Variants in CDKL3 observed in about 807,000 individuals in gnomAD.
The protein encoded by CDKL3 is cyclin dependent kinase like 3, also known as cyclin-dependent kinase-like 3.
A neutral mutation model predicts 69.3 loss-of-function variants in CDKL3; 65 were observed. The ratio of observed to expected loss-of-function variants is 0.94; its 90% CI spans 0.77 to 1.15. The LOEUF (loss-of-function observed/expected upper bound fraction) is 1.15. Ranked by LOEUF, CDKL3 falls within the 50% of genes most tolerant of loss-of-function variation. The pLI, the probability that CDKL3 is intolerant of heterozygous loss-of-function variation, is 0.00. For missense variants in CDKL3, 652 were observed against 689.2 expected, an observed-to-expected ratio of 0.95 and a Z score of 0.61; for synonymous variants, 202 against 221.6, an observed-to-expected ratio of 0.91 and a Z score of 0.79.
chr5:134,299,732 T>C, intron 12 of CDKL3: 1 of 1,533,990 alleles, frequency 6.5e-7, no homozygotes, highest in South Asian at 1.2e-5. Flanking sequence ...TTCCTTTCAG[T>C]TTGTGCATTT....
intron 2 of CDKL3, among the ~76,000 whole-genome samples, chr5:134,362,262 A>T (rs1296914770): frequency 6.6e-6 from 1 of 152,222 alleles, no homozygotes; most frequent in African/African-American, 2.4e-5. Flanking sequence ...GCTCACTTCT[A>T]TAATCCCAGC....
upstream of CDKL3, among the ~76,000 whole-genome samples, chr5:134,369,889 A>G (rs1217657163): frequency 6.6e-6 from 1 of 152,146 alleles, no homozygotes; most frequent in Non-Finnish European, 1.5e-5. Flanking sequence ...ATTTTTCTCC[A>G]TGTAACCCTA....
chr5:134,328,588 G>A (rs1196846941), intron 4 of CDKL3, among the ~76,000 whole-genome samples: 1 of 151,962 alleles, frequency 6.6e-6, no homozygotes, highest in Admixed American at 6.6e-5. Context: ...AAAATGAGTG[G>A]GGAGAATAGA....
intron 3 of CDKL3, 107 bp downstream of exon 3, chr5:134,359,790 T>C (rs1013911867): frequency 3.4e-5 from 27 of 788,760 alleles, no homozygotes; most frequent in African/African-American, 3.4e-4. Flanking sequence ...TCTATTATTA[T>C]TGTATAGAAA....
chr5:134,345,780 T>C (rs1048841278), intron 4 of CDKL3, among the ~76,000 whole-genome samples: 3 of 152,210 alleles, frequency 2.0e-5, no homozygotes, highest in Admixed American at 1.3e-4. Flanking sequence ...TTTGTGATTC[T>C]TCAATTACTT....
downstream of CDKL3, among the ~76,000 whole-genome samples, chr5:134,296,813 A>ACACACACACG (rs1554074948): frequency 6.6e-6 from 1 of 151,328 alleles, no homozygotes; most frequent in Non-Finnish European, 1.5e-5. Context: ...ACACACACAC[A>ACACACACACG]CACGCACGCA....
chr5:134,305,645 G>C (rs901087613), intron 10 of CDKL3, among the ~76,000 whole-genome samples: 23 of 152,138 alleles, frequency 1.5e-4, no homozygotes, highest in African/African-American at 5.6e-4. Flanking sequence ...ATCTTGTCTA[G>C]ATCAATGAAC....
Position 134,359,878 on chromosome 5 carries a change from C to T in CDKL3, c.360+19G>A. 1 of 1,521,716 alleles carries T rather than the reference C, an allele frequency of 6.6e-7. No individual in the cohort carries two copies. The allele number at this position is 1,521,716 out of a possible 1,614,324, so 94.3% of individuals were successfully genotyped here. A position where few individuals can be genotyped will look rare whatever the true frequency, so the allele number is the denominator to read the frequency against. On this transcript the variant is annotated intron_variant, in intron 3 of 12. Coordinates refer to ENST00000265334, the MANE Select transcript of CDKL3 (RefSeq NM_001113575.2). ...GATTCATATTCATCCTACAAATTGG[C>T]TTATTCTGAAGCACTTACATTATTA...
intron 7 of CDKL3, among the ~76,000 whole-genome samples, chr5:134,311,309 G>C (rs1769427935): frequency 1.3e-5 from 2 of 152,186 alleles, no homozygotes; most frequent in South Asian, 4.1e-4. Context: ...TTTGAGACCA[G>C]CCTGGCCAAA....
intron 12 of CDKL3, chr5:134,302,067 G>C (rs1766491915): frequency 8.9e-6 from 4 of 450,070 alleles, no homozygotes; most frequent in South Asian, 4.7e-5. Context: ...GATATTACAG[G>C]CTTCAAGATT....
chr5:134,367,091 A>G lies in CDKL3; in HGVS notation c.-136T>C, dbSNP rs923126205. The G allele has an allele frequency of 3.0e-6, 3 of 986,216 alleles. No individual in the cohort carries two copies. The highest frequency in any genetic ancestry group is 3.6e-6 in the Non-Finnish European group (3 of 830,594). 61.1% of individuals were successfully genotyped at this position (986,216 alleles called of 1,614,324 possible). A position where few individuals can be genotyped will look rare whatever the true frequency, so the allele number is the denominator to read the frequency against. ...CGTAGTTCCAGTGGAGCCACCGAACACTGATACTACTTTGTTGCTCAGCCC... is the reference window on the plus strand; with the variant it reads ...CGTAGTTCCAGTGGAGCCACCGAACGCTGATACTACTTTGTTGCTCAGCCC... On this transcript the variant is annotated 5_prime_UTR_variant, in exon 1 of 13. Transcript: ENST00000265334.
chr5:134,316,455 A>G (rs1242690565), intron 6 of CDKL3, among the ~76,000 whole-genome samples: 1 of 152,050 alleles, frequency 6.6e-6, no homozygotes, highest in Admixed American at 6.6e-5. Context: ...AAAATTAGCC[A>G]GGCGTGGTGG....
chr5:134,325,340 A>G (rs1336437477), intron 4 of CDKL3, among the ~76,000 whole-genome samples: 1 of 152,082 alleles, frequency 6.6e-6, no homozygotes, highest in African/African-American at 2.4e-5. Context: ...ATTATAGTAT[A>G]TACAGTTTTT....
At chr5:134,368,566 C>T (rs1474240270), upstream of CDKL3, among the ~76,000 whole-genome samples, 8 of 129,964 alleles carry the variant, frequency 6.2e-5, no homozygotes, top group Admixed American at 9.7e-5. Flanking sequence ...TTGCAGTGAG[C>T]GGAGATCGCA....
At position 134,366,868 on chromosome 5, in the gene CDKL3, C is replaced by A. The variant is rs945828425; in HGVS notation, c.-22+109G>T. On this transcript the variant is annotated intron_variant, in intron 1 of 12. Transcript: ENST00000265334. ...CCTACACTTCCTGTCATGTTCCTGTCAAATAATAGGTTCCCGCACTACTGC... is the reference window on the plus strand; with the variant it reads ...CCTACACTTCCTGTCATGTTCCTGTAAAATAATAGGTTCCCGCACTACTGC... 3.0e-6 allele frequency: 3 copies of A among 1,004,884 alleles called. No individual in the cohort carries two copies. The African/African-American group carries it at 5.2e-5, about 17-fold the overall frequency. 62.2% of individuals were successfully genotyped at this position (1,004,884 alleles called of 1,614,324 possible). A position where few individuals can be genotyped will look rare whatever the true frequency, so the allele number is the denominator to read the frequency against.
intron 10 of CDKL3, among the ~76,000 whole-genome samples, chr5:134,305,936 G>A (rs1448584966): frequency 6.6e-6 from 1 of 152,004 alleles, no homozygotes. Context: ...AATAAGTTGT[G>A]TTTATTTGGC....
At chr5:134,313,746 G>T (rs1454181551) in intron 6 of CDKL3, among the ~76,000 whole-genome samples, 14 of 149,106 alleles carry the variant, frequency 9.4e-5, no homozygotes, top group East Asian at 3.9e-4. Flanking sequence ...GTTATGTGGG[G>T]TTTTTTTTTT....
At chr5:134,360,564 G>GA (rs1382626779) in intron 2 of CDKL3, among the ~76,000 whole-genome samples, 1 of 152,084 alleles carries the variant, frequency 6.6e-6, no homozygotes, top group Non-Finnish European at 1.5e-5. Flanking sequence ...CCTATTTTAA[G>GA]AAAATGTAAT....
chr5:134,337,395 T>C (rs1581090231), intron 4 of CDKL3, among the ~76,000 whole-genome samples: 1 of 152,202 alleles, frequency 6.6e-6, no homozygotes, highest in Non-Finnish European at 1.5e-5. Flanking sequence ...ATGAACCAGG[T>C]ACCTTAGTTG....
Sources: gnomAD v4.1 joint callset for allele counts (sites outside exome capture counted in the v4.1 genomes callset) on GRCh38, gnomAD v4.1.1 for gene constraint, MANE v1.5 for transcripts, NCBI Gene and HGNC (gene_info 2026-07-23, HGNC 2026-07-21) for gene names.